Variants in MIPOL1 observed in about 807,000 individuals in gnomAD.
The protein encoded by MIPOL1 is mirror-image polydactyly 1.
In MIPOL1, 57 loss-of-function variants were observed where a neutral mutation model predicts 60.9. That is an observed-to-expected ratio of 0.94 (90% CI 0.76 to 1.17). MIPOL1 has a LOEUF of 1.17. Among genes scored for constraint, MIPOL1 ranks in the 50% most tolerant of loss-of-function variants. The probability of loss-of-function intolerance (pLI) is 0.00; values close to 1 mark genes in which losing one functional copy is unlikely to be tolerated. For missense variants in MIPOL1, 551 were observed against 511.6 expected (o/e 1.08, Z -0.74); for synonymous variants, 179 against 168.8 (o/e 1.06, Z -0.47).
rs563210563 is a variant in MIPOL1, at chr14:37,382,974, AT to A, written c.936+13359del. Among the ~76,000 whole-genome samples the A allele has an allele frequency of 2.1e-3, 316 of 151,346 alleles. 7 individuals are homozygous for A. The highest frequency in any genetic ancestry group is 4.1e-3 in the African/African-American group (168 of 41,392). ...TTTTATTCTTTTGTATTTATATTAA[AT>A]TTTTTTTTAAGAATATATTTCACAG... On this transcript the variant is annotated intron_variant, in intron 10 of 12. Coordinates refer to ENST00000684589, the MANE Select transcript of MIPOL1 (RefSeq NM_001388067.1).
chr14:37,266,624 TG>T (rs537914598), intron 3 of MIPOL1, among the ~76,000 whole-genome samples: 1 of 152,180 alleles, frequency 6.6e-6, no homozygotes, highest in Non-Finnish European at 1.5e-5. Context: ...CTTCAGTTTA[TG>T]AAGTGCCATA....
chr14:37,529,518 G>T (rs1049149777), intron 12 of MIPOL1, among the ~76,000 whole-genome samples: 1 of 152,036 alleles, frequency 6.6e-6, no homozygotes, highest in Non-Finnish European at 1.5e-5. Context: ...CTTGTAATTT[G>T]TGTATATGTA....
chr14:37,404,209 T>C (rs2093546401), intron 10 of MIPOL1, among the ~76,000 whole-genome samples: 1 of 152,208 alleles, frequency 6.6e-6, no homozygotes, highest in Non-Finnish European at 1.5e-5. Flanking sequence ...TTTGCTTGCT[T>C]GTTTTGCTGA....
intron 1 of MIPOL1, chr14:37,198,425 T>G (rs1228488269): frequency 6.6e-6 from 1 of 152,158 alleles, no homozygotes; most frequent in Non-Finnish European, 1.5e-5. Context: ...AAGTCGCGGT[T>G]AGTCAGAAGG....
At chr14:37,239,587 G>A (rs986640897) in intron 1 of MIPOL1, among the ~76,000 whole-genome samples, 5 of 152,102 alleles carry the variant, frequency 3.3e-5, no homozygotes, top group African/African-American at 1.2e-4. Flanking sequence ...TAAGTTGCAG[G>A]AAGAATAAAA....
intron 1 of MIPOL1, among the ~76,000 whole-genome samples, chr14:37,221,288 A>C (rs1968705133): frequency 6.6e-6 from 1 of 152,168 alleles, no homozygotes; most frequent in Non-Finnish European, 1.5e-5. Flanking sequence ...TTGTCATCTC[A>C]TGGCAACAGG....
intron 10 of MIPOL1, among the ~76,000 whole-genome samples, chr14:37,403,334 G>A (rs1373192544): frequency 6.6e-6 from 1 of 150,560 alleles, no homozygotes. Flanking sequence ...TTTGGTTTTG[G>A]TAATGTGCTT....
chr14:37,501,036 A>T (rs2095208357), intron 12 of MIPOL1, among the ~76,000 whole-genome samples: 1 of 152,178 alleles, frequency 6.6e-6, no homozygotes, highest in African/African-American at 2.4e-5. Flanking sequence ...TGTCATCTTG[A>T]CCATTTCCTC....
At chr14:37,280,485 T>C (rs1334099760) in intron 6 of MIPOL1, among the ~76,000 whole-genome samples, 1 of 152,226 alleles carries the variant, frequency 6.6e-6, no homozygotes. Flanking sequence ...ACACTTGTTA[T>C]CTTTCGTGTT....
chr14:37,461,228 G>A (rs914386464), intron 11 of MIPOL1, among the ~76,000 whole-genome samples: 1 of 152,170 alleles, frequency 6.6e-6, no homozygotes. Flanking sequence ...TGGACTTACA[G>A]TTCCACATGG....
intron 12 of MIPOL1, among the ~76,000 whole-genome samples, chr14:37,532,843 CAT>C (rs71449998): frequency 5.3e-5 from 8 of 152,026 alleles, no homozygotes; most frequent in Admixed American, 1.3e-4. Context: ...ATGCTAGTAA[CAT>C]ATTAATATGT....
At chr14:37,319,884 A>G (rs570561181) in intron 9 of MIPOL1, among the ~76,000 whole-genome samples, 2 of 152,246 alleles carry the variant, frequency 1.3e-5, no homozygotes, top group South Asian at 2.1e-4. Context: ...AAAACTTCAT[A>G]TAAAAGGAGT....
intron 3 of MIPOL1, among the ~76,000 whole-genome samples, chr14:37,263,019 G>T (rs1309935098): frequency 6.6e-6 from 1 of 152,086 alleles, no homozygotes; most frequent in Admixed American, 6.6e-5. Flanking sequence ...GTTACTTTTG[G>T]CAATGAGTCA....
chr14:37,237,645 G>A (rs1971696995), intron 1 of MIPOL1, among the ~76,000 whole-genome samples: 1 of 152,150 alleles, frequency 6.6e-6, no homozygotes, highest in Non-Finnish European at 1.5e-5. Flanking sequence ...GCTGGGTCTT[G>A]TGTTGCTCAG....
chr14:37,276,532 C>T (rs2083673456), intron 6 of MIPOL1: 1 of 151,044 alleles, frequency 6.6e-6, no homozygotes, highest in South Asian at 2.1e-4. Context: ...ACATTATTCT[C>T]TTGTAAAAAG....
chr14:37,445,584 T>C (rs1367333493), intron 11 of MIPOL1, among the ~76,000 whole-genome samples: 1 of 151,566 alleles, frequency 6.6e-6, no homozygotes, highest in East Asian at 1.9e-4. Flanking sequence ...TTAAAGTTCA[T>C]ATGGAACCAA....
chr14:37,326,591 C>G (rs1407953631), intron 9 of MIPOL1, among the ~76,000 whole-genome samples: 2 of 152,232 alleles, frequency 1.3e-5, no homozygotes, highest in African/African-American at 4.8e-5. Flanking sequence ...GAGCTCAGTG[C>G]TGGTCTGTAC....
intron 12 of MIPOL1, among the ~76,000 whole-genome samples, chr14:37,515,292 G>GAAAAAAAAAAAAAAAAAAAAAAAAAA (rs368304881): frequency 7.8e-6 from 1 of 127,634 alleles, no homozygotes; most frequent in Admixed American, 7.8e-5. Flanking sequence ...TAAATATAAT[G>GAAAAAAAAAAAAAAAAAAAAAAAAAA]AAAAAAAAAA....
At chr14:37,361,598 C>CT (rs1423586282) in intron 9 of MIPOL1, among the ~76,000 whole-genome samples, 2 of 116,600 alleles carry the variant, frequency 1.7e-5, no homozygotes, top group Non-Finnish European at 3.5e-5. Flanking sequence ...TTTTTTGTTT[C>CT]TCCCTCTCTC....
Sources: gnomAD v4.1 joint callset for allele counts (sites outside exome capture counted in the v4.1 genomes callset) on GRCh38, gnomAD v4.1.1 for gene constraint, MANE v1.5 for transcripts, NCBI Gene and HGNC (gene_info 2026-07-23, HGNC 2026-07-21) for gene names.